CDC27: variants seen among roughly 807,000 people sequenced by gnomAD.
CDC27 encodes the protein cell division cycle protein 27 homolog.
CDC27 carries 27 observed loss-of-function variants against 109.7 expected under a neutral mutation model. The observed-to-expected ratio is 0.25, with a 90% CI of 0.18 to 0.34. The LOEUF (loss-of-function observed/expected upper bound fraction) is 0.34, where lower values mean the gene tolerates loss of function less well. CDC27 is among the 10% of genes least tolerant of loss of function. The pLI, the probability that CDC27 is intolerant of heterozygous loss-of-function variation, is 1.00. For synonymous variants in CDC27, 266 were observed against 333.9 expected, an observed-to-expected ratio of 0.80 and a Z score of 2.22; for missense variants, 579 against 960.2, an observed-to-expected ratio of 0.60 and a Z score of 5.25.
At chr17:47,173,772 G>A (rs556915142) in intron 2 of CDC27, among the ~76,000 whole-genome samples, 11 of 152,186 alleles carry the variant, frequency 7.2e-5, no homozygotes, top group Non-Finnish European at 1.5e-4. Flanking sequence ...ATGGGAATAC[G>A]GATTGGTGAT....
chr17:47,189,231 C>A lies in CDC27; in HGVS notation c.-59G>T. 1 of 1,317,334 alleles carries A rather than the reference C, an allele frequency of 7.6e-7. No homozygotes were observed. Among genetic ancestry groups the A allele is most frequent in the Non-Finnish European group, 1.1e-6 (1 of 910,668 alleles). 81.6% of individuals were successfully genotyped at this position (1,317,334 alleles called of 1,614,324 possible). A position where few individuals can be genotyped will look rare whatever the true frequency, so the allele number is the denominator to read the frequency against. Reference sequence around the variant, plus strand: ...CAGGCCCCCCCTGTAGCGGCTCCGGCCCGGCCAGCCCCTGCTCATTTAAAC... The same window carrying A: ...CAGGCCCCCCCTGTAGCGGCTCCGGACCGGCCAGCCCCTGCTCATTTAAAC... On this transcript the variant is annotated 5_prime_UTR_variant, in exon 1 of 19. Coordinates refer to ENST00000066544, the MANE Select transcript of CDC27 (RefSeq NM_001256.6).
chr17:47,182,035 A>C (rs894439970), intron 1 of CDC27, among the ~76,000 whole-genome samples: 1 of 152,172 alleles, frequency 6.6e-6, no homozygotes, highest in African/African-American at 2.4e-5. Flanking sequence ...CTAGTAGAGC[A>C]CTCATAACAT....
intron 2 of CDC27, among the ~76,000 whole-genome samples, chr17:47,178,747 G>T (rs559687285): frequency 6.6e-5 from 10 of 151,850 alleles, no homozygotes; most frequent in Non-Finnish European, 8.8e-5. Flanking sequence ...GGCTCAGAAT[G>T]ACTTTTGGCT....
intron 4 of CDC27, among the ~76,000 whole-genome samples, chr17:47,163,595 G>C (rs2063558390): frequency 6.6e-6 from 1 of 152,048 alleles, no homozygotes; most frequent in Non-Finnish European, 1.5e-5. Flanking sequence ...GGAGAAAAAA[G>C]AACTTCCTTG....
intron 12 of CDC27, among the ~76,000 whole-genome samples, chr17:47,139,547 A>G (rs8065815): frequency 0.92 from 139,624 of 152,106 alleles, 64,284 homozygotes; most frequent in East Asian, 0.99. Flanking sequence ...GATTACAGGC[A>G]TGAGCCACCA....
rs1346840491 is a variant in CDC27, at chr17:47,172,005, A to G, written c.163T>C (p.Tyr55His). ...ATCYYRSGKA[Y>H]KAYRLLKGHS... ...CCTTTCAAGAGTCTATATGCTTTATATGCCTTTCCTGAGCGGTAATAACAG... is the reference window on the plus strand; with the variant it reads ...CCTTTCAAGAGTCTATATGCTTTATGTGCCTTTCCTGAGCGGTAATAACAG... The change falls in exon 3 of 19, where the codon TAT becomes CAT. Residue 55 changes from tyrosine (Y) to histidine (H), a missense_variant. Physicochemically the swap from Tyr to His is moderately conservative, Grantham distance 83. Transcript: ENST00000066544. 6.2e-7 allele frequency: 1 copy of G among 1,601,522 alleles called. No individual in the cohort carries two copies. Among genetic ancestry groups the G allele is most frequent in the Non-Finnish European group, 8.5e-7 (1 of 1,174,188 alleles).
intron 2 of CDC27, among the ~76,000 whole-genome samples, chr17:47,178,864 G>A (rs2064118176): frequency 6.6e-6 from 1 of 151,940 alleles, no homozygotes; most frequent in Admixed American, 6.6e-5. Flanking sequence ...GTGCAGTGGT[G>A]TAATCTCGGC....
intron 1 of CDC27, 127 bp downstream of exon 1, chr17:47,189,019 G>C (rs957705770): frequency 3.3e-6 from 5 of 1,507,008 alleles, no homozygotes; most frequent in African/African-American, 1.4e-5. Flanking sequence ...AGATAGGCAG[G>C]ACACGGCAGC....
chr17:47,160,353 G>A (rs560948174), intron 4 of CDC27, among the ~76,000 whole-genome samples: 5 of 151,128 alleles, frequency 3.3e-5, no homozygotes, highest in Admixed American at 6.6e-5. Flanking sequence ...TCAGCCTCCC[G>A]AGTAGCTGGG....
rs113018878 is a variant in CDC27 at position 47,138,560 on chromosome 17, A to C, written c.1704+179T>G. 1.3e-3 allele frequency among the ~76,000 whole-genome samples: 203 copies of C among 152,282 alleles called. 1 individual carries two copies. The highest frequency in any genetic ancestry group is 4.6e-3 in the African/African-American group (192 of 41,572). On this transcript the variant is annotated intron_variant, in intron 13 of 18. Transcript: ENST00000066544. ...TGCTTTGTGATTTTTCTATTTGTGA[A>C]TCTGCACCACACATTCTAGGACTTT...
chr17:47,161,386 C>G (rs1598525712), intron 4 of CDC27, among the ~76,000 whole-genome samples: 2 of 152,240 alleles, frequency 1.3e-5, no homozygotes, highest in African/African-American at 2.4e-5. Flanking sequence ...TACAAAAAAA[C>G]ATTTGCTGAA....
At chr17:47,124,749 A>T (rs977886902) in intron 16 of CDC27, among the ~76,000 whole-genome samples, 1 of 152,214 alleles carries the variant, frequency 6.6e-6, no homozygotes, top group Non-Finnish European at 1.5e-5. Context: ...ATCACATATT[A>T]TGTAGCTTTT....
intron 15 of CDC27, among the ~76,000 whole-genome samples, 162 bp downstream of exon 15, chr17:47,132,095 T>TTTTA (rs1185532092): frequency 6.6e-6 from 1 of 150,888 alleles, no homozygotes; most frequent in East Asian, 2.0e-4. Flanking sequence ...ATTCTGTGAT[T>TTTTA]TTTTATGCTA....
intron 18 of CDC27, 79 bp downstream of exon 18, chr17:47,122,365 T>G: frequency 9.8e-7 from 1 of 1,024,148 alleles, no homozygotes; most frequent in South Asian, 2.4e-5. Context: ...GTTAGAAAAA[T>G]AAAATAAAAG....
intron 16 of CDC27, among the ~76,000 whole-genome samples, chr17:47,126,885 A>G (rs2148804378): frequency 6.6e-6 from 1 of 152,148 alleles, no homozygotes; most frequent in East Asian, 1.9e-4. Flanking sequence ...CCTCCGCCTC[A>G]TGGGTTCAAG....
At chr17:47,170,693 A>G (rs1018297254) in intron 3 of CDC27, among the ~76,000 whole-genome samples, 1 of 152,188 alleles carries the variant, frequency 6.6e-6, no homozygotes, top group African/African-American at 2.4e-5. Context: ...TGATTACTAT[A>G]CTGGGGGAGA....
At chr17:47,176,909 TA>T in intron 2 of CDC27, among the ~76,000 whole-genome samples, 1 of 152,126 alleles carries the variant, frequency 6.6e-6, no homozygotes, top group South Asian at 2.1e-4. Flanking sequence ...CACAATCTGG[TA>T]AATAAGTTTT....
chr17:47,138,170 C>T (rs8076808), intron 13 of CDC27, among the ~76,000 whole-genome samples: 52,825 of 151,900 alleles, frequency 0.35, 9,835 homozygotes, highest in Admixed American at 0.43. Context: ...AGATTATAAT[C>T]CACAATCTAT....
chr17:47,181,061 G>A (rs2064204666), intron 2 of CDC27, among the ~76,000 whole-genome samples: 1 of 149,404 alleles, frequency 6.7e-6, no homozygotes, highest in Non-Finnish European at 1.5e-5. Flanking sequence ...AGACCAGCCT[G>A]GGCAACATAG....
Sources: allele counts gnomAD v4.1 joint callset (sites outside exome capture counted in the v4.1 genomes callset), GRCh38; gene constraint gnomAD v4.1.1; transcripts MANE v1.5; gene names NCBI Gene and HGNC (gene_info 2026-07-23, HGNC 2026-07-21).